SGCZ: variants seen among roughly 807,000 people sequenced by gnomAD.
SGCZ encodes the protein zeta-sarcoglycan.
In SGCZ, 40 loss-of-function variants were observed where a neutral mutation model predicts 41.3. The ratio of observed to expected loss-of-function variants is 0.97; its 90% CI spans 0.75 to 1.26. The LOEUF (loss-of-function observed/expected upper bound fraction) is 1.26, where lower values mean the gene tolerates loss of function less well. SGCZ is among the 50% of genes most tolerant of loss of function. The probability of loss-of-function intolerance (pLI) is 0.00; values close to 1 mark genes in which losing one functional copy is unlikely to be tolerated. For synonymous variants in SGCZ, 206 were observed against 137.5 expected (o/e 1.50, Z -3.49); for missense variants, 552 against 369.8 (o/e 1.49, Z -4.04).
intron 5 of SGCZ, among the ~76,000 whole-genome samples, chr8:14,157,392 G>C (rs1246412546): frequency 6.7e-6 from 1 of 148,594 alleles, no homozygotes; most frequent in African/African-American, 2.5e-5. Flanking sequence ...GTGTGTGTGT[G>C]TATGCTCAGC....
intron 1 of SGCZ, among the ~76,000 whole-genome samples, chr8:14,705,789 T>C (rs1809313563): frequency 6.6e-6 from 1 of 152,060 alleles, no homozygotes; most frequent in South Asian, 2.1e-4. Context: ...TAATTCGGCA[T>C]AAGGCCAATA....
chr8:14,696,977 G>C (rs974184261), intron 1 of SGCZ, among the ~76,000 whole-genome samples: 4 of 151,760 alleles, frequency 2.6e-5, no homozygotes, highest in East Asian at 1.9e-4. Flanking sequence ...AAAAAACATA[G>C]ATATTAGTTA....
chr8:15,221,925 A>C (rs1162763383), intron 1 of SGCZ, among the ~76,000 whole-genome samples: 1 of 152,156 alleles, frequency 6.6e-6, no homozygotes, highest in Non-Finnish European at 1.5e-5. Context: ...GGCCCACACA[A>C]CGTTATCTCT....
intron 1 of SGCZ, among the ~76,000 whole-genome samples, chr8:14,660,435 G>T (rs937034518): frequency 6.6e-6 from 1 of 151,798 alleles, no homozygotes; most frequent in Admixed American, 6.6e-5. Context: ...AGCCAGGCGT[G>T]GTGGTGGGCA....
intron 1 of SGCZ, among the ~76,000 whole-genome samples, chr8:14,584,726 T>C (rs958765110): frequency 4.6e-5 from 7 of 151,912 alleles, no homozygotes; most frequent in South Asian, 2.1e-4. Context: ...AATTCCATAA[T>C]TACACATAAA....
chr8:14,785,399 C>T (rs1204986427), intron 1 of SGCZ, among the ~76,000 whole-genome samples: 1 of 152,104 alleles, frequency 6.6e-6, no homozygotes, highest in Admixed American at 6.5e-5. Context: ...ACTCTGAAAT[C>T]TGTATCCATA....
At chr8:14,427,267 T>C (rs1799814036) in intron 2 of SGCZ, among the ~76,000 whole-genome samples, 1 of 151,972 alleles carries the variant, frequency 6.6e-6, no homozygotes, top group African/African-American at 2.4e-5. Flanking sequence ...AAATAAGCTA[T>C]ACAACAAACC....
intron 2 of SGCZ, among the ~76,000 whole-genome samples, chr8:14,541,519 G>A (rs139134763): frequency 0.011 from 1,650 of 151,974 alleles, 36 homozygotes; most frequent in African/African-American, 0.036. Flanking sequence ...AATATGTGCC[G>A]CATTTTCTTT....
At chr8:14,644,139 C>T (rs1032511692) in intron 1 of SGCZ, among the ~76,000 whole-genome samples, 3 of 151,732 alleles carry the variant, frequency 2.0e-5, no homozygotes, top group Non-Finnish European at 2.9e-5. Flanking sequence ...TATTTCTCCA[C>T]TTGGCTAGGC....
chr8:14,409,367 A>C (rs1465191430), intron 2 of SGCZ, among the ~76,000 whole-genome samples: 1 of 152,118 alleles, frequency 6.6e-6, no homozygotes. Flanking sequence ...AAACTTAAAA[A>C]ATGTAGTTTG....
At chr8:14,589,078 G>A (rs1184636157) in intron 1 of SGCZ, among the ~76,000 whole-genome samples, 1 of 151,978 alleles carries the variant, frequency 6.6e-6, no homozygotes, top group African/African-American at 2.4e-5. Context: ...CACACTGATG[G>A]GCTTGGGTGA....
chr8:14,195,271 GA>G (rs1805231256), intron 4 of SGCZ, among the ~76,000 whole-genome samples: 1 of 152,030 alleles, frequency 6.6e-6, no homozygotes, highest in African/African-American at 2.4e-5. Flanking sequence ...GCAGTAGGAT[GA>G]AAAACTACAT....
chr8:14,988,192 T>A (rs1778888947), intron 1 of SGCZ, among the ~76,000 whole-genome samples: 1 of 151,920 alleles, frequency 6.6e-6, no homozygotes, highest in African/African-American at 2.4e-5. Flanking sequence ...CCAAACAGTA[T>A]AATATTCATT....
chr8:14,572,198 G>T (rs887233828), intron 1 of SGCZ, among the ~76,000 whole-genome samples: 2 of 152,130 alleles, frequency 1.3e-5, no homozygotes, highest in African/African-American at 4.8e-5. Flanking sequence ...CTCTCTACCA[G>T]ATAGTTAATG....
At chr8:14,868,960 CA>C (rs1354496008) in intron 1 of SGCZ, among the ~76,000 whole-genome samples, 5 of 151,772 alleles carry the variant, frequency 3.3e-5, no homozygotes, top group African/African-American at 1.2e-4. Context: ...ACTTACCAAC[CA>C]AAAAAAGCCC....
chr8:14,278,026 G>A (rs552292872), intron 3 of SGCZ, among the ~76,000 whole-genome samples: 3 of 152,232 alleles, frequency 2.0e-5, no homozygotes, highest in East Asian at 3.9e-4. Flanking sequence ...GAATTCATCT[G>A]CCTAATAAGA....
chr8:14,588,200 GA>G (rs34495643), intron 1 of SGCZ, among the ~76,000 whole-genome samples: 131,699 of 145,770 alleles, frequency 0.9, 59,633 homozygotes, highest in Non-Finnish European at 0.95. Flanking sequence ...TTACCCAGAA[GA>G]AAAAAAAAAA....
intron 1 of SGCZ, among the ~76,000 whole-genome samples, chr8:15,089,963 T>A (rs1806094654): frequency 6.6e-6 from 1 of 152,232 alleles, no homozygotes; most frequent in Non-Finnish European, 1.5e-5. Flanking sequence ...TTGTGTGAGA[T>A]AATACGGTTA....
chr8:14,585,440 T>C (rs1255824842), intron 1 of SGCZ, among the ~76,000 whole-genome samples: 1 of 152,106 alleles, frequency 6.6e-6, no homozygotes, highest in Non-Finnish European at 1.5e-5. Flanking sequence ...TCTATTTTCA[T>C]TGTAGGGCTA....
Sources: allele counts gnomAD v4.1 joint callset (sites outside exome capture counted in the v4.1 genomes callset), GRCh38; gene constraint gnomAD v4.1.1; transcripts MANE v1.5; gene names NCBI Gene and HGNC (gene_info 2026-07-23, HGNC 2026-07-21).